The following SHC4 variants were observed in gnomAD, a reference collection of about 807,000 sequenced individuals.
The protein encoded by SHC4 is SHC adaptor protein 4, also known as SHC-transforming protein 4.
A neutral mutation model predicts 69.4 loss-of-function variants in SHC4; 41 were observed. The observed-to-expected ratio is 0.59, with a 90% confidence interval of 0.46 to 0.77. The LOEUF (loss-of-function observed/expected upper bound fraction) is 0.77, where lower values mean the gene tolerates loss of function less well. Ranked by LOEUF, SHC4 falls within the 30% of genes least tolerant of loss-of-function variation. The pLI is 0.00. For missense variants in SHC4, 777 were observed against 783.8 expected (o/e 0.99, Z 0.10); for synonymous variants, 318 against 299.3 (o/e 1.06, Z -0.64).
intron 3 of SHC4, 104 bp downstream of exon 3, chr15:48,890,644 C>T: frequency 1.5e-6 from 2 of 1,316,110 alleles, no homozygotes; most frequent in Middle Eastern, 1.8e-4. Context: ...TAATAAAGGC[C>T]AGGCTGGACC....
chr15:48,905,825 A>G (rs190846037), intron 2 of SHC4, among the ~76,000 whole-genome samples: 8 of 152,362 alleles, frequency 5.3e-5, no homozygotes, highest in Non-Finnish European at 8.8e-5. Flanking sequence ...GTGAATGTGT[A>G]TGTATTGCCT....
At chr15:48,928,716 G>A (rs952108501) in intron 1 of SHC4, among the ~76,000 whole-genome samples, 7 of 152,032 alleles carry the variant, frequency 4.6e-5, no homozygotes, top group Non-Finnish European at 8.8e-5. Flanking sequence ...GCATTGCTTC[G>A]GGATCCCCTT....
chr15:48,944,061 A>G (rs1046726065), intron 1 of SHC4, among the ~76,000 whole-genome samples: 3 of 152,038 alleles, frequency 2.0e-5, no homozygotes, highest in African/African-American at 7.2e-5. Context: ...GCTGTTGGCC[A>G]TTTTTATGTC....
At chr15:48,906,742 G>A (rs146979085) in intron 2 of SHC4, among the ~76,000 whole-genome samples, 1 of 152,154 alleles carries the variant, frequency 6.6e-6, no homozygotes, top group Non-Finnish European at 1.5e-5. Flanking sequence ...TGCTCCTCAG[G>A]TTCCATGAGC....
intron 6 of SHC4, among the ~76,000 whole-genome samples, chr15:48,859,557 C>T (rs185418652): frequency 2.6e-4 from 40 of 152,214 alleles, no homozygotes; most frequent in Non-Finnish European, 5.6e-4. Flanking sequence ...TTATATTGTT[C>T]CTATATTTTT....
chr15:48,910,460 A>G (rs1900487753), intron 2 of SHC4, among the ~76,000 whole-genome samples: 1 of 151,986 alleles, frequency 6.6e-6, no homozygotes, highest in South Asian at 2.1e-4. Flanking sequence ...TTCTTGGTTA[A>G]TCTTGCTAAT....
chr15:48,855,578 C>A (rs569792257), intron 8 of SHC4, among the ~76,000 whole-genome samples: 2 of 152,168 alleles, frequency 1.3e-5, no homozygotes, highest in Admixed American at 6.5e-5. Flanking sequence ...AGAACTAGGA[C>A]ACAGAGTTGG....
chr15:48,835,293 G>C (rs1898878943), intron 10 of SHC4, among the ~76,000 whole-genome samples: 1 of 152,192 alleles, frequency 6.6e-6, no homozygotes, highest in Non-Finnish European at 1.5e-5. Flanking sequence ...AAATGGAACA[G>C]ACCCATGAGA....
intron 4 of SHC4, among the ~76,000 whole-genome samples, chr15:48,881,095 G>A (rs916332155): frequency 1.3e-5 from 2 of 151,412 alleles, no homozygotes; most frequent in Non-Finnish European, 2.9e-5. Flanking sequence ...ATTTAAAGAA[G>A]ATTTTGAGTA....
At chr15:48,852,408 A>C (rs1595732242) in intron 8 of SHC4, among the ~76,000 whole-genome samples, 1 of 152,246 alleles carries the variant, frequency 6.6e-6, no homozygotes, top group Admixed American at 6.5e-5. Flanking sequence ...TAAAGCAAAT[A>C]TAATAAAATG....
rs1372307475 is a variant in SHC4 at position 48,908,735 on chromosome 15, A to T, written c.656+16144T>A. 2.0e-5 allele frequency among the ~76,000 whole-genome samples: 3 copies of T among 152,158 alleles called. No homozygotes were observed. In the East Asian group the frequency reaches 5.8e-4, roughly 29 times the overall value. On this transcript the variant is annotated intron_variant, in intron 2 of 11. Coordinates refer to ENST00000332408, the MANE Select transcript of SHC4 (RefSeq NM_203349.4). ...CTTGAGTTGATTTTTGTATAAGGTG[A>T]GTGATGAGGATCCAGTTTCATTCTC...
In SHC4 at chr15:48,825,110, T is replaced by C. The variant is rs1346257853; in HGVS notation, c.*861A>G. 1.3e-5 allele frequency: 2 copies of C among 152,428 alleles called. No homozygotes were observed. The highest frequency in any genetic ancestry group is 4.8e-5 in the African/African-American group (2 of 41,452). The allele number at this position is 152,428 out of a possible 1,614,324, so 9.4% of individuals were successfully genotyped here. A position where few individuals can be genotyped will look rare whatever the true frequency, so the allele number is the denominator to read the frequency against. On this transcript the variant is annotated 3_prime_UTR_variant, in exon 12 of 12. Coordinates refer to ENST00000332408, the MANE Select transcript of SHC4 (RefSeq NM_203349.4). ...GAATAGTAAATATGAAGAATACTGG[T>C]TTTGTTTGCCCTCTTTTAAATCCAT...
chr15:48,876,351 T>C (rs1354473414), intron 4 of SHC4, among the ~76,000 whole-genome samples: 2 of 152,170 alleles, frequency 1.3e-5, no homozygotes, highest in Non-Finnish European at 2.9e-5. Context: ...AGCTGGTGCA[T>C]GATCACCTAT....
At chr15:48,837,810 G>T (rs1898925780) in intron 10 of SHC4, among the ~76,000 whole-genome samples, 1 of 151,950 alleles carries the variant, frequency 6.6e-6, no homozygotes, top group Non-Finnish European at 1.5e-5. Context: ...CACCCAAATG[G>T]ATCTAATGGG....
chr15:48,892,189 T>C (rs1201208526), intron 2 of SHC4, among the ~76,000 whole-genome samples: 2 of 152,126 alleles, frequency 1.3e-5, no homozygotes, highest in African/African-American at 4.8e-5. Flanking sequence ...AGCTATGATA[T>C]TTTGTAGTGC....
chr15:48,870,669 C>T (rs181730650), intron 5 of SHC4, among the ~76,000 whole-genome samples: 4 of 149,776 alleles, frequency 2.7e-5, no homozygotes, highest in African/African-American at 4.9e-5. Context: ...AAGAGTGAGA[C>T]GCCGTCTCAA....
intron 5 of SHC4, among the ~76,000 whole-genome samples, chr15:48,870,650 C>G (rs1415007683): frequency 6.6e-6 from 1 of 151,298 alleles, no homozygotes; most frequent in East Asian, 1.9e-4. Context: ...GCACTCCAGC[C>G]TGAGTGACAA....
At chr15:48,849,285 C>T (rs1899159939) in intron 9 of SHC4, among the ~76,000 whole-genome samples, 1 of 152,164 alleles carries the variant, frequency 6.6e-6, no homozygotes. Flanking sequence ...CTACCTCCCT[C>T]TCTGTGCCTG....
chr15:48,916,596 A>T (rs11629867), intron 2 of SHC4, among the ~76,000 whole-genome samples: 146,564 of 150,960 alleles, frequency 0.97, 71,288 homozygotes, highest in East Asian at 1. Context: ...GTTTCTTCCT[A>T]CACAGAATGG....
Sources: allele counts gnomAD v4.1 joint callset (sites outside exome capture counted in the v4.1 genomes callset), GRCh38; gene constraint gnomAD v4.1.1; transcripts MANE v1.5; gene names NCBI Gene and HGNC (gene_info 2026-07-23, HGNC 2026-07-21).